Variants in IREB2 observed in about 807,000 individuals in gnomAD.
IREB2 encodes the protein iron responsive element binding protein 2.
IREB2 carries 39 observed loss-of-function variants against 118.8 expected under a neutral mutation model. That is an observed-to-expected ratio of 0.33 (90% confidence interval 0.25 to 0.43). The LOEUF (loss-of-function observed/expected upper bound fraction) is 0.43, where lower values mean the gene tolerates loss of function less well. Among genes scored for constraint, IREB2 ranks in the 20% least tolerant of loss-of-function variants. The pLI is 1.00. For synonymous variants in IREB2, 372 were observed against 392.2 expected (o/e 0.95, Z 0.61); for missense variants, 900 against 1,147.3 (o/e 0.78, Z 3.11).
chr15:78,487,653 A>T (rs2051682123), intron 13 of IREB2, 80 bp from the exon 14 acceptor site: 1 of 783,872 alleles, frequency 1.3e-6, no homozygotes, highest in East Asian at 2.5e-5. Context: ...TATTACAGTG[A>T]TAGAAATACA....
intron 2 of IREB2, among the ~76,000 whole-genome samples, chr15:78,447,654 G>A (rs1423527798): frequency 2.0e-5 from 3 of 151,606 alleles, no homozygotes; most frequent in African/African-American, 4.9e-5. Flanking sequence ...ATCTTTTATA[G>A]AGACGGGAGT....
chr15:78,497,377 C>A, intron 21 of IREB2, 66 bp downstream of exon 21: 1 of 1,168,806 alleles, frequency 8.6e-7, no homozygotes, highest in Non-Finnish European at 1.3e-6. Flanking sequence ...GAATAAGAAT[C>A]AATTGCTGTA....
At chr15:78,477,089 T>C (rs2051484495) in intron 9 of IREB2, among the ~76,000 whole-genome samples, 1 of 152,164 alleles carries the variant, frequency 6.6e-6, no homozygotes, top group South Asian at 2.1e-4. Flanking sequence ...AATTGATGAA[T>C]GGTTATATAG....
intron 18 of IREB2, among the ~76,000 whole-genome samples, 175 bp downstream of exon 18, chr15:78,490,936 T>TA (rs2051741454): frequency 6.7e-6 from 1 of 150,016 alleles, no homozygotes; most frequent in Admixed American, 6.6e-5. Flanking sequence ...AGGCGGGGGG[T>TA]ACCTTCTGTA....
chr15:78,491,429 G>C (rs773429910), intron 18 of IREB2, among the ~76,000 whole-genome samples: 1 of 152,112 alleles, frequency 6.6e-6, no homozygotes, highest in Non-Finnish European at 1.5e-5. Flanking sequence ...CTTATTGGAT[G>C]CTTGTTTGAT....
At position 78,466,471 on chromosome 15, in the gene IREB2, A is replaced by G; in HGVS notation, c.611A>G (p.His204Arg). ...AATACACCCATCCTGTGTCCTTTTC[A>G]TTTGCAACCAGTGCCTGAGTATGAG... is the stretch of plus-strand genomic sequence containing the variant. ...IENTPILCPF[H>R]LQPVPEPETV... The change falls in exon 5 of 22, where the codon CAT becomes CGT. Residue 204 changes from histidine to arginine, a missense_variant. Physicochemically the swap from His to Arg is conservative, Grantham distance 29 (BLOSUM62 0). Transcript: ENST00000258886. 6.2e-7 allele frequency: 1 copy of G among 1,612,620 alleles called. No homozygotes were observed. Among genetic ancestry groups the G allele is most frequent in the Non-Finnish European group, 8.5e-7 (1 of 1,178,708 alleles).
intron 4 of IREB2, among the ~76,000 whole-genome samples, chr15:78,465,695 A>G (rs1372241797): frequency 6.6e-6 from 1 of 152,214 alleles, no homozygotes; most frequent in Non-Finnish European, 1.5e-5. Flanking sequence ...TTCAGAAAGA[A>G]TCGAAAGATG....
chr15:78,460,010 C>G (rs1255650878), intron 2 of IREB2, among the ~76,000 whole-genome samples: 1 of 152,104 alleles, frequency 6.6e-6, no homozygotes, highest in Admixed American at 6.5e-5. Context: ...AGTAAGTGTT[C>G]TTATTTTTGC....
In IREB2 at chr15:78,465,449, G is replaced by A. The variant is rs1455636133; in HGVS notation, c.410+61G>A. The A allele has an allele frequency of 4.2e-6, 6 of 1,439,844 alleles. No individual in the cohort carries two copies. In the African/African-American group the frequency reaches 7.1e-5, roughly 17 times the overall value. 89.2% of individuals were successfully genotyped at this position (1,439,844 alleles called of 1,614,324 possible). A position where few individuals can be genotyped will look rare whatever the true frequency, so the allele number is the denominator to read the frequency against. On this transcript the variant is annotated intron_variant, in intron 4 of 21. Transcript: ENST00000258886. ...AGTTAATTGGCTGGAAATGTGTCAT[G>A]TAGAGGAAAAGGAATAGAGATAATT...
intron 2 of IREB2, among the ~76,000 whole-genome samples, chr15:78,450,772 A>G (rs771040968): frequency 6.6e-6 from 1 of 151,776 alleles, no homozygotes; most frequent in African/African-American, 2.4e-5. Flanking sequence ...GTGTACAGCT[A>G]TGTAGGAACT....
chr15:78,443,103 A>T (rs2050870541), intron 2 of IREB2, among the ~76,000 whole-genome samples: 4 of 152,160 alleles, frequency 2.6e-5, no homozygotes, highest in Admixed American at 2.6e-4. Context: ...TTTGGTATAT[A>T]TTTTTTTCTA....
intron 8 of IREB2, chr15:78,475,873 G>C (rs1032641724): frequency 5.7e-6 from 1 of 175,068 alleles, no homozygotes; most frequent in African/African-American, 2.4e-5. Context: ...AAGAAAAAGG[G>C]CTGCCACCTA....
chr15:78,445,717 G>A (rs1239912281), intron 2 of IREB2, among the ~76,000 whole-genome samples: 1 of 152,146 alleles, frequency 6.6e-6, no homozygotes, highest in East Asian at 1.9e-4. Context: ...GACCATTCTT[G>A]TATGTTATGA....
Position 78,471,943 on chromosome 15 carries a change from A to G in IREB2, c.883+19A>G, listed in dbSNP as rs3817092. The G allele has an allele frequency of 0.16, 238,597 of 1,496,712 alleles. 19,786 individuals are homozygous for G. Among genetic ancestry groups the G allele is most frequent in the Non-Finnish European group, 0.16 (180,560 of 1,111,056 alleles). The allele number at this position is 1,496,712 out of a possible 1,614,324, so 92.7% of individuals were successfully genotyped here. ...GGGTGGGGTAAGTAAATGACTAAATATATTTCATTTCTTTTGGGGTAAGGA... is the reference window on the plus strand; with the variant it reads ...GGGTGGGGTAAGTAAATGACTAAATGTATTTCATTTCTTTTGGGGTAAGGA... On this transcript the variant is annotated intron_variant, in intron 7 of 21. Coordinates refer to ENST00000258886, the MANE Select transcript of IREB2 (RefSeq NM_004136.4).
chr15:78,481,586 C>G, intron 10 of IREB2: 1 of 148,620 alleles, frequency 6.7e-6, no homozygotes, highest in Non-Finnish European at 1.5e-5. Context: ...AGGATGGTCT[C>G]GATCTCCTGA....
intron 5 of IREB2, among the ~76,000 whole-genome samples, chr15:78,468,045 G>T (rs2051314120): frequency 6.6e-6 from 1 of 152,022 alleles, no homozygotes; most frequent in African/African-American, 2.4e-5. Flanking sequence ...GTATACAGGG[G>T]GTGTCACTGT....
chr15:78,485,631 A>G (rs1054508853), intron 12 of IREB2, 74 bp from the exon 13 acceptor site: 1 of 1,428,506 alleles, frequency 7.0e-7, no homozygotes, highest in African/African-American at 1.4e-5. Context: ...ATTACTTCTC[A>G]CTTTTTACTT....
chr15:78,483,468 C>T lies in IREB2; in HGVS notation c.1413+34C>T, dbSNP rs752262141. 1.0e-5 allele frequency: 12 copies of T among 1,171,518 alleles called. No individual in the cohort carries two copies. The South Asian group carries it at 1.3e-4, about 13-fold the overall frequency. 72.6% of individuals were successfully genotyped at this position (1,171,518 alleles called of 1,614,324 possible). On this transcript the variant is annotated intron_variant, in intron 11 of 21. Transcript: ENST00000258886. ...CTTTATTCTTATCCGTGTTTTTCAACCCGCTTTGTGCTAAGTAGTAAAGAA... is the reference window on the plus strand; with the variant it reads ...CTTTATTCTTATCCGTGTTTTTCAATCCGCTTTGTGCTAAGTAGTAAAGAA...
chr15:78,476,545 G>GT (rs1182975453), intron 9 of IREB2, 186 bp downstream of exon 9: 4 of 425,854 alleles, frequency 9.4e-6, no homozygotes, highest in South Asian at 5.5e-5. Context: ...CTAGTTCCCT[G>GT]TGACACATTG....
Sources: gnomAD v4.1 joint callset for allele counts (sites outside exome capture counted in the v4.1 genomes callset) on GRCh38, gnomAD v4.1.1 for gene constraint, MANE v1.5 for transcripts, NCBI Gene and HGNC (gene_info 2026-07-23, HGNC 2026-07-21) for gene names.